CPAMD8: variants seen among roughly 807,000 people sequenced by gnomAD.
CPAMD8 encodes the protein C3 and PZP like alpha-2-macroglobulin domain containing 8.
CPAMD8 carries 146 observed loss-of-function variants against 224.7 expected under a neutral mutation model. The ratio of observed to expected loss-of-function variants is 0.65; its 90% CI spans 0.57 to 0.75. The LOEUF (loss-of-function observed/expected upper bound fraction) is 0.75, where lower values mean the gene tolerates loss of function less well. Ranked by LOEUF, CPAMD8 falls within the 30% of genes least tolerant of loss-of-function variation. CPAMD8 has a pLI of 0.00. For synonymous variants in CPAMD8, 966 were observed against 1,044.6 expected, an observed-to-expected ratio of 0.92 and a Z score of 1.45; for missense variants, 2,301 against 2,537.5, an observed-to-expected ratio of 0.91 and a Z score of 2.00.
chr19:16,895,498 G>GA (rs2051926162), intron 41 of CPAMD8: 1 of 190,518 alleles, frequency 5.2e-6, no homozygotes, highest in Admixed American at 5.4e-5. Context: ...CGGGTAGGGG[G>GA]AAAATGGCTT....
chr19:17,026,052 A>C (rs1166657934), intron 1 of CPAMD8, among the ~76,000 whole-genome samples: 1 of 152,186 alleles, frequency 6.6e-6, no homozygotes, highest in Non-Finnish European at 1.5e-5. Flanking sequence ...CTGTGAAGCC[A>C]ACTTAGCAGT....
rs963156338 is a variant in CPAMD8, at chr19:16,985,348, G to GATGA, written c.1395+4294_1395+4295insTCAT. On this transcript the variant is annotated intron_variant, in intron 13 of 41. Coordinates refer to ENST00000443236, the MANE Select transcript of CPAMD8 (RefSeq NM_015692.5). The stretch of plus-strand genomic sequence containing the variant: ...TGGATGAATGGATGAAGGGCGGATG[G>GATGA]ATGGATGGATGGATGGAGGGTAGAT... Among the ~76,000 whole-genome samples, 29 of 151,566 alleles carry GATGA rather than the reference G, an allele frequency of 1.9e-4. 1 individual carries two copies. Among genetic ancestry groups the GATGA allele is most frequent in the Admixed American group, 1.1e-3 (17 of 15,210 alleles).
At chr19:16,961,439 C>T (rs765462789) in intron 18 of CPAMD8, among the ~76,000 whole-genome samples, 2 of 152,238 alleles carry the variant, frequency 1.3e-5, no homozygotes, top group African/African-American at 2.4e-5. Flanking sequence ...GATCGAACTG[C>T]GACGTGGCAG....
chr19:16,914,846 G>A (rs1213824541), intron 27 of CPAMD8, 33 bp from the exon 28 acceptor site: 1 of 1,532,428 alleles, frequency 6.5e-7, no homozygotes, highest in Admixed American at 1.8e-5. Context: ...CTGAGGGGTT[G>A]CAGAATGGTC....
At position 16,899,482 on chromosome 19, in the gene CPAMD8, A is replaced by G; in HGVS notation, c.4841T>C (p.Phe1614Ser). 1 of 1,527,072 alleles carries G rather than the reference A, an allele frequency of 6.5e-7. No individual in the cohort carries two copies. The highest frequency in any genetic ancestry group is 1.1e-5 in the South Asian group (1 of 89,384). 94.6% of individuals were successfully genotyped at this position (1,527,072 alleles called of 1,614,324 possible). ...EVAGRRVLFY[F>S]DEIPSRCLTC... The stretch of plus-strand genomic sequence containing the variant: ...AACCCCGGCTGGTGGTACCTCATCA[A>G]AGTAGAAGAGCACTCGGCGTCCAGC... Residue 1614 changes from phenylalanine to serine, a missense_variant, in exon 37 of 42, where the codon TTT becomes TCT. Phe to Ser is a radical substitution (Grantham distance 155). This residue lies in a region of CPAMD8 where 1,709 missense variants were observed against 1,753.2 expected (regional missense o/e 0.97). Coordinates refer to ENST00000443236, the MANE Select transcript of CPAMD8 (RefSeq NM_015692.5). This position sits in a 1 kb window ranked among gnomAD's most constrained non-coding sequence, Gnocchi z 5.4.
intron 22 of CPAMD8, among the ~76,000 whole-genome samples, chr19:16,939,885 G>GTTT (rs1568500211): frequency 6.6e-6 from 1 of 151,638 alleles, no homozygotes; most frequent in Admixed American, 6.6e-5. Context: ...TTTTGTTGTT[G>GTTT]TTGTTGTTGT....
chr19:16,970,010 G>C (rs547817732), intron 18 of CPAMD8, among the ~76,000 whole-genome samples: 2 of 150,038 alleles, frequency 1.3e-5, no homozygotes, highest in African/African-American at 4.9e-5. Flanking sequence ...CAAGGTGGGC[G>C]AATCACAAGG....
At chr19:17,022,273 C>G in intron 1 of CPAMD8, 92 bp from the exon 2 acceptor site, 1 of 1,435,418 alleles carries the variant, frequency 7.0e-7, no homozygotes, top group South Asian at 1.3e-5. Context: ...TCGCAGCAGA[C>G]TCCTGCCTTT....
rs569621104 is a variant in CPAMD8 at position 16,997,466 on chromosome 19, A to C, written c.868-128T>G. 17 of 666,064 alleles carry C rather than the reference A, an allele frequency of 2.6e-5. No homozygotes were observed. The Admixed American group carries it at 3.6e-4, about 14-fold the overall frequency. The allele number at this position is 666,064 out of a possible 1,614,324, so 41.3% of individuals were successfully genotyped here. The stretch of plus-strand genomic sequence containing the variant: ...GGAGGGCCAGGGGTCACTTGGTGGC[A>C]TACCCAATCTATGCCACGGGACCAT... On this transcript the variant is annotated intron_variant, in intron 10 of 41. Transcript: ENST00000443236.
At chr19:16,938,069 G>A (rs1024317236) in intron 23 of CPAMD8, among the ~76,000 whole-genome samples, 3 of 152,222 alleles carry the variant, frequency 2.0e-5, no homozygotes, top group Non-Finnish European at 4.4e-5. Flanking sequence ...TTACAGGTGT[G>A]AGCCACCGTG....
intron 2 of CPAMD8, 131 bp downstream of exon 2, chr19:17,021,899 C>T: frequency 2.6e-6 from 1 of 385,660 alleles, no homozygotes; most frequent in Non-Finnish European, 5.0e-6. Flanking sequence ...CTCCCTCCCT[C>T]CCATGCCCCT....
intron 21 of CPAMD8, among the ~76,000 whole-genome samples, chr19:16,946,513 ATTTG>A (rs953618800): frequency 1.5e-4 from 11 of 71,886 alleles, no homozygotes; most frequent in African/African-American, 7.6e-4. Flanking sequence ...GTGTGTGTGG[ATTTG>A]TGTGTGTGTG....
intron 13 of CPAMD8, among the ~76,000 whole-genome samples, chr19:16,982,132 C>T (rs377703492): frequency 5.3e-5 from 8 of 151,980 alleles, no homozygotes; most frequent in Admixed American, 1.3e-4. Context: ...GTGGCTCATG[C>T]TTTGTAATCT....
chr19:16,925,192 A>G lies in CPAMD8; in HGVS notation c.3547+4T>C. On this transcript the variant is annotated splice_donor_region_variant and intron_variant, in intron 26 of 41. Coordinates refer to ENST00000443236, the MANE Select transcript of CPAMD8 (RefSeq NM_015692.5). ...CCTCAACCCAGGCACTTCTTCCCCAATACCTTGTACTAGGTAGTCGGTGGT... is the reference window on the plus strand; with the variant it reads ...CCTCAACCCAGGCACTTCTTCCCCAGTACCTTGTACTAGGTAGTCGGTGGT... 3.1e-6 allele frequency: 5 copies of G among 1,613,820 alleles called. No individual in the cohort carries two copies. The highest frequency in any genetic ancestry group is 4.2e-6 in the Non-Finnish European group (5 of 1,179,896).
Position 16,901,225 on chromosome 19 carries a change from G to A in CPAMD8, c.4758C>T (p.Ile1586=), listed in dbSNP as rs367743464. The change falls in exon 36 of 42, where the codon ATC becomes ATT. Residue 1586 remains isoleucine, a synonymous_variant. Transcript: ENST00000443236. ...GCTGCCTCACCTGCTCCAGGCTCTC[G>A]ATGTCTGCCCGGAAGCCTGACAGCA... ...VPLLSGFRAD[I]ESLEQLLLDK... is the part of the protein sequence containing the mutation. The A allele has an allele frequency of 9.3e-6, 15 of 1,610,718 alleles. No individual in the cohort carries two copies. The Admixed American group carries it at 1.0e-4, about 11-fold the overall frequency.
In CPAMD8 at chr19:16,955,739, T is replaced by C. The variant is rs138791969; in HGVS notation, c.2276+2114A>G. 1.2e-3 allele frequency among the ~76,000 whole-genome samples: 181 copies of C among 152,236 alleles called. 2 individuals carry two copies. In the Middle Eastern group the frequency reaches 0.014, roughly 11 times the overall value. On this transcript the variant is annotated intron_variant, in intron 19 of 41. Coordinates refer to ENST00000443236, the MANE Select transcript of CPAMD8 (RefSeq NM_015692.5). The stretch of plus-strand genomic sequence containing the variant: ...TAGCCCAGGCTGGAGTGCAGTGGTG[T>C]AATTTCGTGTCACTGCAGCCTCAAC...
At position 16,899,583 on chromosome 19, in the gene CPAMD8, C is replaced by G; in HGVS notation, c.4774-34G>C. 9.6e-7 allele frequency: 1 copy of G among 1,039,138 alleles called. No individual in the cohort carries two copies. Among genetic ancestry groups the G allele is most frequent in the South Asian group, 1.3e-5 (1 of 79,694 alleles). 64.4% of individuals were successfully genotyped at this position (1,039,138 alleles called of 1,614,324 possible). ...GAAGCCAGAAGTCAGGGTCCTCAGA[C>G]TCTCTACTTGCTTCCTCTCCCATCC... On this transcript the variant is annotated intron_variant, in intron 36 of 41. Coordinates refer to ENST00000443236, the MANE Select transcript of CPAMD8 (RefSeq NM_015692.5). The surrounding 1 kb of genome is among the most constrained non-coding windows in gnomAD (Gnocchi z 5.4).
At position 16,970,635 on chromosome 19, in the gene CPAMD8, C is replaced by A. The variant is rs142077448; in HGVS notation, c.2213+256G>T. Reference sequence around the variant, plus strand: ...GCTCCAGAGAGCTCCCTCACTCCTTCTGCCATATGAGGATACAGCAAGAAG... The same window carrying A: ...GCTCCAGAGAGCTCCCTCACTCCTTATGCCATATGAGGATACAGCAAGAAG... On this transcript the variant is annotated intron_variant, in intron 18 of 41. Transcript: ENST00000443236. Among the ~76,000 whole-genome samples the A allele has an allele frequency of 9.5e-3, 1,449 of 152,068 alleles. 21 individuals are homozygous for A. Among genetic ancestry groups the A allele is most frequent in the African/African-American group, 0.033 (1,377 of 41,486 alleles).
chr19:16,910,662 T>G (rs1178807379), intron 29 of CPAMD8: 1 of 152,040 alleles, frequency 6.6e-6, no homozygotes, highest in Non-Finnish European at 1.5e-5. Flanking sequence ...ATATTGATGC[T>G]GAACTTAGTG....
Sources: allele counts gnomAD v4.1 joint callset (sites outside exome capture counted in the v4.1 genomes callset), GRCh38; gene constraint gnomAD v4.1.1; regional missense constraint gnomAD v4.1.1; non-coding constraint Gnocchi (gnomAD v3.1); transcripts MANE v1.5; gene names NCBI Gene and HGNC (gene_info 2026-07-23, HGNC 2026-07-21).